Variants in TAB2 observed in about 807,000 individuals in gnomAD.
The protein encoded by TAB2 is TGF-beta activated kinase 1 (MAP3K7) binding protein 2.
TAB2 carries 3 observed loss-of-function variants against 65.0 expected under a neutral mutation model. That is an observed-to-expected ratio of 0.05 (90% CI 0.02 to 0.12). The LOEUF (loss-of-function observed/expected upper bound fraction) is 0.12, where lower values mean the gene tolerates loss of function less well. Among genes scored for constraint, TAB2 ranks in the 10% least tolerant of loss-of-function variants. The pLI is 1.00. For missense variants in TAB2, 623 were observed against 840.3 expected (o/e 0.74, Z 3.20); for synonymous variants, 298 against 285.1 (o/e 1.05, Z -0.46).
intron 1 of TAB2, among the ~76,000 whole-genome samples, chr6:149,285,215 G>A (rs1433242011): frequency 1.3e-5 from 2 of 152,198 alleles, no homozygotes; most frequent in Non-Finnish European, 2.9e-5. Flanking sequence ...CTTCAACAGG[G>A]TATGGGGTAG....
At chr6:149,358,640 C>CTGTGTGTGTGTGTGTG (rs370116039) in intron 1 of TAB2, among the ~76,000 whole-genome samples, 5,166 of 121,650 alleles carry the variant, frequency 0.042, 169 homozygotes, top group Middle Eastern at 0.1. Flanking sequence ...CTTCAGAACT[C>CTGTGTGTGTGTGTGTG]TGTGTGTGTG....
chr6:149,296,476 A>G (rs926555759), intron 1 of TAB2, among the ~76,000 whole-genome samples: 4 of 152,192 alleles, frequency 2.6e-5, no homozygotes, highest in Non-Finnish European at 4.4e-5. Context: ...TGTTTGGCCT[A>G]AAAATGTCTT....
At chr6:149,254,128 G>GGGAAAGGAAA (rs375790132) in intron 1 of TAB2, among the ~76,000 whole-genome samples, 2 of 141,800 alleles carry the variant, frequency 1.4e-5, no homozygotes, top group Non-Finnish European at 3.1e-5. Flanking sequence ...GGGAAGGGAA[G>GGGAAAGGAAA]GGAAAGGAAA....
At chr6:149,241,383 G>A (rs1777595413) in intron 1 of TAB2, among the ~76,000 whole-genome samples, 1 of 152,154 alleles carries the variant, frequency 6.6e-6, no homozygotes, top group Admixed American at 6.5e-5. Context: ...TCAATAGGAT[G>A]TTGATCCTGC....
At chr6:149,361,424 G>C (rs1202221544) in intron 1 of TAB2, among the ~76,000 whole-genome samples, 1 of 152,204 alleles carries the variant, frequency 6.6e-6, no homozygotes, top group Non-Finnish European at 1.5e-5. Context: ...GGCCCTTTGA[G>C]CCATAGCTGG....
chr6:149,317,221 T>A (rs1779276652), upstream of TAB2, among the ~76,000 whole-genome samples: 1 of 151,664 alleles, frequency 6.6e-6, no homozygotes, highest in Non-Finnish European at 1.5e-5. The surrounding 1 kb of genome is among the most constrained non-coding windows in gnomAD (Gnocchi z 4.7). Flanking sequence ...ACCCGCAACC[T>A]ACCCCCAAGG....
chr6:149,378,933 A>C lies in TAB2; in HGVS notation c.1018A>C (p.Lys340Gln). The C allele has an allele frequency of 1.9e-6, 3 of 1,614,158 alleles. No individual in the cohort carries two copies. The highest frequency in any genetic ancestry group is 2.5e-6 in the Non-Finnish European group (3 of 1,180,018). Residue 340 changes from lysine to glutamine, a missense_variant, in exon 3 of 7, where the codon AAA becomes CAA. This residue lies in a region of TAB2 where 550 missense variants were observed against 665.7 expected (regional missense o/e 0.83). Coordinates refer to ENST00000637181, the MANE Select transcript of TAB2 (RefSeq NM_001292034.3). ...LEPPQRNNSSKLRSSGPRTSS... is the reference protein window; with the variant it reads ...LEPPQRNNSSQLRSSGPRTSS... ...ACCCCCACAAAGAAATAATTCTTCAAAACTGCGTTCTTCTGGACCTCGAAC... is the reference window on the plus strand; with the variant it reads ...ACCCCCACAAAGAAATAATTCTTCACAACTGCGTTCTTCTGGACCTCGAAC...
At chr6:149,267,869 G>A (rs7756413) in intron 1 of TAB2, among the ~76,000 whole-genome samples, 79,576 of 151,958 alleles carry the variant, frequency 0.52, 22,477 homozygotes, top group African/African-American at 0.74. Context: ...AACGTACAGT[G>A]AAAATATGGT....
chr6:149,257,240 G>T (rs1778056464), intron 1 of TAB2: 1 of 152,182 alleles, frequency 6.6e-6, no homozygotes, highest in Admixed American at 6.6e-5. Flanking sequence ...CATTCAGATG[G>T]TTTCAAATAC....
intron 6 of TAB2, among the ~76,000 whole-genome samples, chr6:149,405,311 T>C (rs1306187291): frequency 1.3e-5 from 2 of 152,222 alleles, no homozygotes; most frequent in Admixed American, 6.5e-5. Flanking sequence ...TTGTACACTT[T>C]CATGGGAATG....
chr6:149,270,536 G>C (rs1427439635), intron 1 of TAB2, among the ~76,000 whole-genome samples: 1 of 152,078 alleles, frequency 6.6e-6, no homozygotes, highest in Non-Finnish European at 1.5e-5. Context: ...ATAATGATAA[G>C]TATATGAGGT....
chr6:149,342,389 T>G (rs1780157903), intron 1 of TAB2, among the ~76,000 whole-genome samples: 1 of 152,182 alleles, frequency 6.6e-6, no homozygotes, highest in Non-Finnish European at 1.5e-5. Flanking sequence ...TACTCTGTGG[T>G]CTCCTGTTGG....
intron 1 of TAB2, among the ~76,000 whole-genome samples, chr6:149,355,961 A>C (rs890708304): frequency 2.6e-5 from 4 of 152,238 alleles, no homozygotes; most frequent in Admixed American, 6.5e-5. Flanking sequence ...GCCACAAAAA[A>C]AAAACTTATT....
At chr6:149,357,466 C>A (rs1201572293) in intron 1 of TAB2, among the ~76,000 whole-genome samples, 1 of 148,206 alleles carries the variant, frequency 6.7e-6, no homozygotes, top group African/African-American at 2.5e-5. Context: ...CACACACACA[C>A]ATTTTAGCCT....
chr6:149,299,079 T>G (rs1031434132), intron 1 of TAB2, among the ~76,000 whole-genome samples: 10 of 152,228 alleles, frequency 6.6e-5, no homozygotes, highest in Non-Finnish European at 1.5e-4. Context: ...TGCACAACTA[T>G]TAACCGTTTT....
intron 6 of TAB2, among the ~76,000 whole-genome samples, chr6:149,403,305 T>C (rs868757187): frequency 2.9e-5 from 2 of 67,986 alleles, no homozygotes; most frequent in South Asian, 4.6e-4. Context: ...CATATATATA[T>C]ATATATATAC....
chr6:149,384,273 T>C (rs1781714934), intron 3 of TAB2, among the ~76,000 whole-genome samples: 1 of 152,218 alleles, frequency 6.6e-6, no homozygotes, highest in African/African-American at 2.4e-5. Context: ...TTTCTTTTAA[T>C]CTACCATTTG....
chr6:149,378,715 A>T lies in TAB2; in HGVS notation c.800A>T (p.His267Leu). Residue 267 changes from histidine (H) to leucine (L), a missense_variant, in exon 3 of 7, where the codon CAT becomes CTT. Physicochemically the swap from His to Leu is moderately conservative, Grantham distance 99 (BLOSUM62 -3). Transcript: ENST00000637181. ...TGTCCTGCATCTAATCCTCTGTCAC[A>T]TACCTCATCTCAACAGCCAAATCAG... Reference protein sequence around the residue: ...TTCPASNPLSHTSSQQPNQQG... With the variant: ...TTCPASNPLSLTSSQQPNQQG... 1 of 1,613,996 alleles carries T rather than the reference A, an allele frequency of 6.2e-7. No homozygotes were observed.
chr6:149,406,399 G>A (rs1392733008), intron 6 of TAB2, among the ~76,000 whole-genome samples: 1 of 152,144 alleles, frequency 6.6e-6, no homozygotes, highest in East Asian at 1.9e-4. Context: ...CCTTACGTAG[G>A]GGAGGAAAAG....
Sources: gnomAD v4.1 joint callset for allele counts (sites outside exome capture counted in the v4.1 genomes callset) on GRCh38, gnomAD v4.1.1 for gene constraint, gnomAD v4.1.1 regional missense constraint, Gnocchi (gnomAD v3.1) non-coding constraint, MANE v1.5 for transcripts, NCBI Gene and HGNC (gene_info 2026-07-23, HGNC 2026-07-21) for gene names.